RBMX: variants seen among roughly 807,000 people sequenced by gnomAD.
RBMX encodes the protein RNA binding motif protein X-linked.
In RBMX, 1 loss-of-function variant was observed where a neutral mutation model predicts 29.3. That is an observed-to-expected ratio of 0.03 (90% CI 0.01 to 0.16). RBMX has a LOEUF of 0.16. RBMX is among the 10% of genes least tolerant of loss of function. The pLI, the probability that RBMX is intolerant of heterozygous loss-of-function variation, is 1.00. For synonymous variants in RBMX, 102 were observed against 102.3 expected, an observed-to-expected ratio of 1.00 and a Z score of 0.02; for missense variants, 121 against 333.2, an observed-to-expected ratio of 0.36 and a Z score of 4.96.
At chrX:136,876,765 T>A in intron 4 of RBMX, 110 bp from the exon 5 acceptor site, 1 of 636,254 alleles carries the variant, frequency 1.6e-6, no homozygotes, top group African/African-American at 2.3e-5. Context: ...TGGAGTGCAG[T>A]GGCTTCATCT....
At chrX:136,870,658 C>T (rs190995646), downstream of RBMX, among the ~76,000 whole-genome samples, 3 of 108,603 alleles carry the variant, frequency 2.8e-5, no homozygotes, top group Non-Finnish European at 3.8e-5. Flanking sequence ...CAGTGAAACC[C>T]TGTCTCTACA....
At chrX:136,879,965 C>G (rs1235108236) in intron 1 of RBMX, among the ~76,000 whole-genome samples, 1 of 111,696 alleles carries the variant, frequency 9.0e-6, no homozygotes, top group African/African-American at 3.2e-5. Flanking sequence ...TTCACCGGCC[C>G]CCGCCCTACC....
downstream of RBMX, among the ~76,000 whole-genome samples, chrX:136,872,081 CCT>C (rs2077688822): frequency 9.0e-6 from 1 of 111,635 alleles, no homozygotes; most frequent in Non-Finnish European, 1.9e-5. Flanking sequence ...GGAAATGTAA[CCT>C]CACTCTAAAT....
chrX:136,872,164 T>C (rs2077689202), downstream of RBMX: 7 of 612,280 alleles, frequency 1.1e-5, no homozygotes, highest in Admixed American at 3.6e-5. Flanking sequence ...CGTTTTCTTT[T>C]ACAGATGAAG....
Position 136,874,401 on chromosome X carries a change from C to G in RBMX, c.917G>C (p.Gly306Ala). 8.2e-7 allele frequency: 1 copy of G among 1,212,769 alleles called. No individual in the cohort carries two copies. Among genetic ancestry groups the G allele is most frequent in the Non-Finnish European group, 1.1e-6 (1 of 895,688 alleles). The change falls in exon 9 of 9, where the codon GGA (glycine) becomes GCA (alanine). Residue 306 changes from glycine (G) to alanine (A), a missense_variant. Gly to Ala is a moderately conservative substitution (Grantham distance 60). Around this residue, in one of 2 missense-constraint regions of RBMX, gnomAD observed 114 missense variants for 260.0 expected, o/e 0.44. Transcript: ENST00000320676. Reference sequence around the variant, plus strand: ...GCTGTAATCATCATAGCGACTGCTTCCACCATAAGATGGCGGGGGCCCTCG... The same window carrying G: ...GCTGTAATCATCATAGCGACTGCTTGCACCATAAGATGGCGGGGGCCCTCG... Reference protein sequence around the residue: ...PTRGPPPSYGGSSRYDDYSSS... With the variant: ...PTRGPPPSYGASSRYDDYSSS...
At position 136,875,393 on chromosome X, in the gene RBMX, A is replaced by G; in HGVS notation, c.657-10T>C. Reference sequence around the variant, plus strand: ...ATCTCTGCTTGAATAGCTACAAAGCAAAAGTTTTGGTTTATGCTTTTGATA... The same window carrying G: ...ATCTCTGCTTGAATAGCTACAAAGCGAAAGTTTTGGTTTATGCTTTTGATA... On this transcript the variant is annotated splice_polypyrimidine_tract_variant and intron_variant, in intron 6 of 8. Coordinates refer to ENST00000320676, the MANE Select transcript of RBMX (RefSeq NM_002139.4). 2.5e-6 allele frequency: 3 copies of G among 1,208,182 alleles called. No homozygotes were observed. The highest frequency in any genetic ancestry group is 3.4e-6 in the Non-Finnish European group (3 of 893,880).
chrX:136,878,420 G>A (rs1254427468), intron 3 of RBMX, among the ~76,000 whole-genome samples: 2 of 110,649 alleles, frequency 1.8e-5, no homozygotes, highest in East Asian at 2.8e-4. Flanking sequence ...ATCAAAATAT[G>A]GCTTATGGAT....
downstream of RBMX, chrX:136,872,235 A>ACAC: frequency 9.5e-7 from 1 of 1,052,177 alleles, no homozygotes; most frequent in African/African-American, 1.9e-5. Flanking sequence ...CACAACATTT[A>ACAC]AACCTTCAAA....
intron 3 of RBMX, among the ~76,000 whole-genome samples, chrX:136,878,798 A>G (rs934972876): frequency 2.7e-5 from 3 of 109,617 alleles, no homozygotes; most frequent in African/African-American, 1.0e-4. Flanking sequence ...CTGAACTGAG[A>G]GAATGTTACG....
intron 4 of RBMX, among the ~76,000 whole-genome samples, chrX:136,877,208 C>G (rs1460490055): frequency 9.4e-6 from 1 of 106,470 alleles, no homozygotes; most frequent in Non-Finnish European, 1.9e-5. Flanking sequence ...GGTGCATGCC[C>G]GTAATCCCAG....
rs1556344059 is a variant in RBMX, at chrX:136,877,339, C to CCA, written c.388+575_388+576insTG. Among the ~76,000 whole-genome samples the CCA allele has an allele frequency of 8.1e-5, 7 of 86,061 alleles. 1 individual carries two copies. The highest frequency in any genetic ancestry group is 4.2e-4 in the East Asian group (1 of 2,357). The allele number at this position is 86,061 out of a possible 115,157, so 74.7% of individuals were successfully genotyped here. Reference sequence around the variant, plus strand: ...AAGTGCTAAACTCTACCCCCCCCCCCCCAAAAAAAAACCATTATTGATTTG... The same window carrying CCA: ...AAGTGCTAAACTCTACCCCCCCCCCCCACCAAAAAAAAACCATTATTGATTTG... On this transcript the variant is annotated intron_variant, in intron 4 of 8. Coordinates refer to ENST00000320676, the MANE Select transcript of RBMX (RefSeq NM_002139.4).
At chrX:136,872,437 A>T, downstream of RBMX, 1 of 761,847 alleles carries the variant, frequency 1.3e-6, no homozygotes, top group Non-Finnish European at 2.0e-6. Flanking sequence ...CAGAAAGAAA[A>T]GGCAAGTTCA....
chrX:136,873,963 T>C lies in RBMX; in HGVS notation c.*179A>G, dbSNP rs1315589872. The stretch of plus-strand genomic sequence containing the variant: ...AAAGCAATGCGAAAGTCAAATAAAA[T>C]TAAACATGTTTTACTTTTTTCCTCA... On this transcript the variant is annotated 3_prime_UTR_variant, in exon 9 of 9. Coordinates refer to ENST00000320676, the MANE Select transcript of RBMX (RefSeq NM_002139.4). The C allele has an allele frequency of 9.3e-7, 1 of 1,080,947 alleles. No individual in the cohort carries two copies. The highest frequency in any genetic ancestry group is 1.2e-6 in the Non-Finnish European group (1 of 834,064). The allele number at this position is 1,080,947 out of a possible 1,213,427, so 89.1% of individuals were successfully genotyped here. A position where few individuals can be genotyped will look rare whatever the true frequency, so the allele number is the denominator to read the frequency against.
downstream of RBMX, among the ~76,000 whole-genome samples, chrX:136,870,784 CA>C (rs1244678130): frequency 6.7e-3 from 303 of 44,934 alleles, 4 homozygotes; most frequent in East Asian, 0.077. Context: ...GAAGCCATCT[CA>C]AAAAAAAAAA....
At position 136,877,065 on chromosome X, in the gene RBMX, A is replaced by G. The variant is rs1335707579; in HGVS notation, c.389-410T>C. On this transcript the variant is annotated intron_variant, in intron 4 of 8. Transcript: ENST00000320676. ...GAATATGACCATTATTGGGCCGGGC[A>G]CAATGGCTCACGCCTGTAATCCCAG... 2.8e-5 allele frequency among the ~76,000 whole-genome samples: 3 copies of G among 108,697 alleles called. No individual in the cohort carries two copies. In the Admixed American group the frequency reaches 2.9e-4, roughly 11 times the overall value. 94.4% of individuals were successfully genotyped at this position (108,697 alleles called of 115,157 possible). A position where few individuals can be genotyped will look rare whatever the true frequency, so the allele number is the denominator to read the frequency against.
downstream of RBMX, chrX:136,872,530 C>T (rs1250164815): frequency 4.1e-5 from 18 of 437,644 alleles, no homozygotes; most frequent in Non-Finnish European, 7.2e-5. Context: ...ACTGGAATGG[C>T]TTAAATTGTT....
At chrX:136,877,514 G>C (rs183486419) in intron 4 of RBMX, among the ~76,000 whole-genome samples, 1 of 102,438 alleles carries the variant, frequency 9.8e-6, no homozygotes, top group Non-Finnish European at 2.0e-5. Context: ...ACAGTGGCAC[G>C]ATCTCAACTC....
intron 5 of RBMX, 104 bp from the exon 6 acceptor site, chrX:136,875,689 C>T (rs972032542): frequency 2.3e-5 from 24 of 1,029,459 alleles, no homozygotes; most frequent in Non-Finnish European, 3.1e-5. Context: ...TCAAAGATGA[C>T]ATTACGGAGG....
chrX:136,879,623 G>A (rs1340148362), intron 1 of RBMX, among the ~76,000 whole-genome samples, 170 bp from the exon 2 acceptor site: 1 of 112,077 alleles, frequency 8.9e-6, no homozygotes, highest in Non-Finnish European at 1.9e-5. Context: ...TTTGAACTAA[G>A]TAGTTTAGTA....
Sources: gnomAD v4.1 joint callset for allele counts (sites outside exome capture counted in the v4.1 genomes callset) on GRCh38, gnomAD v4.1.1 for gene constraint, gnomAD v4.1.1 regional missense constraint, MANE v1.5 for transcripts, NCBI Gene and HGNC (gene_info 2026-07-23, HGNC 2026-07-21) for gene names.